The following KIF6 variants were observed in gnomAD, a reference collection of about 807,000 sequenced individuals.
KIF6 encodes the protein kinesin-like protein KIF6.
Under a neutral mutation model 112.7 loss-of-function variants are expected in KIF6, and 106 were observed. The observed-to-expected ratio is 0.94, with a 90% CI of 0.80 to 1.11. The LOEUF (loss-of-function observed/expected upper bound fraction) is 1.11. Ranked by LOEUF, KIF6 falls within the 50% of genes least tolerant of loss-of-function variation. The probability of loss-of-function intolerance (pLI) is 0.00; values close to 1 mark genes in which losing one functional copy is unlikely to be tolerated. For synonymous variants in KIF6, 339 were observed against 339.9 expected (o/e 1.00, Z 0.03); for missense variants, 929 against 964.0 (o/e 0.96, Z 0.48).
intron 7 of KIF6, among the ~76,000 whole-genome samples, chr6:39,592,115 AAAACAAAC>A (rs139542052): frequency 1.3e-4 from 19 of 151,928 alleles, no homozygotes; most frequent in African/African-American, 4.6e-4. Flanking sequence ...CCGTCTCAAA[AAAACAAAC>A]AAACAAACAA....
chr6:39,358,446 C>T (rs1204227226), intron 18 of KIF6, among the ~76,000 whole-genome samples: 1 of 152,240 alleles, frequency 6.6e-6, no homozygotes, highest in Non-Finnish European at 1.5e-5. Context: ...GTTTCAGTGA[C>T]ATCCTGTGGG....
chr6:39,516,462 A>G (rs1777092342), intron 13 of KIF6, among the ~76,000 whole-genome samples: 1 of 148,054 alleles, frequency 6.8e-6, no homozygotes, highest in Admixed American at 6.8e-5. Context: ...TTTATATTAT[A>G]TAAATACAAA....
chr6:39,503,642 A>T (rs970495942), intron 13 of KIF6, among the ~76,000 whole-genome samples: 7 of 152,106 alleles, frequency 4.6e-5, no homozygotes, highest in South Asian at 2.1e-4. Flanking sequence ...GATAAGGGGG[A>T]TATCACCACT....
At chr6:39,454,531 C>CAAAAA (rs560119968) in intron 13 of KIF6, among the ~76,000 whole-genome samples, 8 of 76,026 alleles carry the variant, frequency 1.1e-4, no homozygotes, top group African/African-American at 2.0e-4. Context: ...CTGAGAGCAT[C>CAAAAA]AAAAAAAAAA....
intron 19 of KIF6, among the ~76,000 whole-genome samples, chr6:39,352,166 C>A (rs1764306574): frequency 6.6e-6 from 1 of 152,236 alleles, no homozygotes. Context: ...GCAGATAGTA[C>A]AGAGAATTCC....
intron 13 of KIF6, among the ~76,000 whole-genome samples, chr6:39,442,387 C>T (rs1041657226): frequency 2.6e-5 from 4 of 152,196 alleles, no homozygotes; most frequent in African/African-American, 4.8e-5. Flanking sequence ...GCAGAAAACA[C>T]TCATTTTCCT....
At chr6:39,391,663 T>C (rs16892023) in intron 15 of KIF6, among the ~76,000 whole-genome samples, 8,955 of 152,220 alleles carry the variant, frequency 0.059, 284 homozygotes, top group African/African-American at 0.079. Flanking sequence ...TCGTTAAAAA[T>C]GGGCCTGCCC....
intron 3 of KIF6, among the ~76,000 whole-genome samples, chr6:39,660,718 A>T (rs541686661): frequency 6.6e-6 from 1 of 152,200 alleles, no homozygotes; most frequent in Non-Finnish European, 1.5e-5. Context: ...CCTCATAAAA[A>T]ACTTTACAGC....
intron 13 of KIF6, among the ~76,000 whole-genome samples, chr6:39,463,240 T>G (rs1178153107): frequency 6.6e-6 from 1 of 152,184 alleles, no homozygotes; most frequent in African/African-American, 2.4e-5. Context: ...TTTTCTCTCC[T>G]TTATCTCACT....
chr6:39,493,634 C>T (rs1775609013), intron 13 of KIF6, among the ~76,000 whole-genome samples: 2 of 152,202 alleles, frequency 1.3e-5, no homozygotes, highest in Admixed American at 1.3e-4. Context: ...TGAATTGGTA[C>T]TATTTATGCC....
At chr6:39,425,523 A>G (rs1005125217) in intron 14 of KIF6, among the ~76,000 whole-genome samples, 5 of 151,866 alleles carry the variant, frequency 3.3e-5, no homozygotes, top group Non-Finnish European at 7.4e-5. Context: ...CCAGTTGATC[A>G]GCTCCTCCCC....
At chr6:39,698,677 G>C (rs1788693607) in intron 3 of KIF6, among the ~76,000 whole-genome samples, 1 of 152,166 alleles carries the variant, frequency 6.6e-6, no homozygotes, top group African/African-American at 2.4e-5. Context: ...GGTTTCCTAA[G>C]AAATAAATAT....
chr6:39,590,476 G>A (rs1318112129), intron 7 of KIF6, among the ~76,000 whole-genome samples: 2 of 131,182 alleles, frequency 1.5e-5, no homozygotes, highest in Non-Finnish European at 3.1e-5. Flanking sequence ...TTGAGATGGA[G>A]GTTTCACTCT....
chr6:39,463,453 C>A (rs9471113), intron 13 of KIF6, among the ~76,000 whole-genome samples: 45,330 of 152,034 alleles, frequency 0.3, 8,609 homozygotes, highest in African/African-American at 0.53. Context: ...ACAAAAGAGA[C>A]GAATAATCTC....
chr6:39,719,100 CT>C (rs1407477253), intron 2 of KIF6, among the ~76,000 whole-genome samples: 1 of 152,222 alleles, frequency 6.6e-6, no homozygotes, highest in Non-Finnish European at 1.5e-5. Context: ...AGGTGGATCA[CT>C]TGAGATCAGA....
intron 16 of KIF6, among the ~76,000 whole-genome samples, chr6:39,380,902 T>C (rs967630184): frequency 1.3e-5 from 2 of 152,244 alleles, no homozygotes; most frequent in African/African-American, 4.8e-5. Flanking sequence ...TGTTTCTTAA[T>C]ATAACATTTA....
rs913767010 is a variant in KIF6, at chr6:39,342,783, G to A, written c.2428+926C>T. 1.8e-5 allele frequency: 18 copies of A among 985,164 alleles called. No homozygotes were observed. The highest frequency in any genetic ancestry group is 2.2e-5 in the Non-Finnish European group (18 of 829,876). 61.0% of individuals were successfully genotyped at this position (985,164 alleles called of 1,614,324 possible). Reference sequence around the variant, plus strand: ...AAGCAGGCTGGCGGCCAAGCAAGGCGAGTACAGGACCAAGGCCGGCTCTCA... The same window carrying A: ...AAGCAGGCTGGCGGCCAAGCAAGGCAAGTACAGGACCAAGGCCGGCTCTCA... On this transcript the variant is annotated intron_variant, in intron 22 of 22. Coordinates refer to ENST00000287152, the MANE Select transcript of KIF6 (RefSeq NM_145027.6). This position sits in a 1 kb window ranked among gnomAD's most constrained non-coding sequence, Gnocchi z 4.7.
chr6:39,657,446 T>G (rs1041958852), intron 3 of KIF6, among the ~76,000 whole-genome samples: 2 of 152,052 alleles, frequency 1.3e-5, no homozygotes, highest in African/African-American at 4.8e-5. Context: ...TAGAGTCATA[T>G]AGAGTTCTGC....
intron 6 of KIF6, among the ~76,000 whole-genome samples, chr6:39,610,069 G>A (rs1783131177): frequency 6.6e-6 from 1 of 152,176 alleles, no homozygotes; most frequent in African/African-American, 2.4e-5. Flanking sequence ...ATCATTGAAT[G>A]CAGGCTGCTT....
Sources: allele counts gnomAD v4.1 joint callset (sites outside exome capture counted in the v4.1 genomes callset), GRCh38; gene constraint gnomAD v4.1.1; non-coding constraint Gnocchi (gnomAD v3.1); transcripts MANE v1.5; gene names NCBI Gene and HGNC (gene_info 2026-07-23, HGNC 2026-07-21).